The following UBE2E2 variants were observed in gnomAD, a reference collection of about 807,000 sequenced individuals.
UBE2E2 encodes the protein ubiquitin-conjugating enzyme E2 E2.
UBE2E2 carries 6 observed loss-of-function variants against 24.7 expected under a neutral mutation model. That is an observed-to-expected ratio of 0.24 (90% confidence interval 0.13 to 0.48). The LOEUF (loss-of-function observed/expected upper bound fraction) is 0.48. UBE2E2 is among the 20% of genes least tolerant of loss of function. The pLI is 0.99. For missense variants in UBE2E2, 169 were observed against 245.0 expected (o/e 0.69, Z 2.07); for synonymous variants, 104 against 83.6 (o/e 1.24, Z -1.33).
chr3:23,469,182 CT>C (rs1202620157), intron 3 of UBE2E2, among the ~76,000 whole-genome samples: 1 of 152,144 alleles, frequency 6.6e-6, no homozygotes, highest in East Asian at 1.9e-4. Context: ...TCACTGGATC[CT>C]CTCATGGCAA....
chr3:23,445,856 T>TA (rs1282310249), intron 3 of UBE2E2, among the ~76,000 whole-genome samples: 2 of 152,136 alleles, frequency 1.3e-5, no homozygotes, highest in African/African-American at 4.8e-5. Context: ...CCCTGTAACA[T>TA]ACTAGGATTT....
rs1472111870 is a variant in UBE2E2, at chr3:23,474,862, A to AGCTTT, written c.228-24745_228-24741dup. Reference sequence around the variant, plus strand: ...TTATCCCCCATTCACATTCCTCTCTAGCTTTTCACATCCAGACTTCTAGAA... The same window carrying AGCTTT: ...TTATCCCCCATTCACATTCCTCTCTAGCTTTGCTTTTCACATCCAGACTTCTAGAA... On this transcript the variant is annotated intron_variant, in intron 3 of 5. Transcript: ENST00000396703. This position sits in a 1 kb window ranked among gnomAD's most constrained non-coding sequence, Gnocchi z 4.0. 6.6e-6 allele frequency among the ~76,000 whole-genome samples: 1 copy of AGCTTT among 151,860 alleles called. No individual in the cohort carries two copies. Among genetic ancestry groups the AGCTTT allele is most frequent in the Non-Finnish European group, 1.5e-5 (1 of 68,010 alleles).
At chr3:23,325,282 T>A (rs912763114) in intron 3 of UBE2E2, among the ~76,000 whole-genome samples, 4 of 152,156 alleles carry the variant, frequency 2.6e-5, no homozygotes. Flanking sequence ...GTATAGTAAA[T>A]ATTCATGAAA....
intron 3 of UBE2E2, among the ~76,000 whole-genome samples, chr3:23,384,890 T>G (rs1366021763): frequency 6.6e-6 from 1 of 152,202 alleles, no homozygotes; most frequent in African/African-American, 2.4e-5. Flanking sequence ...TGTCTTAGTG[T>G]AATTTAGATT....
intron 3 of UBE2E2, among the ~76,000 whole-genome samples, chr3:23,459,805 G>A (rs550163207): frequency 1.3e-5 from 2 of 152,166 alleles, no homozygotes; most frequent in Non-Finnish European, 2.9e-5. Context: ...CTGTAAAATC[G>A]CAGGCCAGAA....
chr3:23,380,086 T>TAAAAA (rs10559253), intron 3 of UBE2E2, among the ~76,000 whole-genome samples: 5 of 136,308 alleles, frequency 3.7e-5, no homozygotes, highest in Non-Finnish European at 4.7e-5. Flanking sequence ...TTGATTACTG[T>TAAAAA]AAAAAAAAAA....
chr3:23,473,798 G>A (rs1439549197), intron 3 of UBE2E2, among the ~76,000 whole-genome samples: 3 of 151,958 alleles, frequency 2.0e-5, no homozygotes, highest in Non-Finnish European at 2.9e-5. Flanking sequence ...CTTTATCCAC[G>A]CATTGATTGT....
chr3:23,565,285 A>T (rs1696042865), intron 5 of UBE2E2, among the ~76,000 whole-genome samples: 1 of 151,946 alleles, frequency 6.6e-6, no homozygotes, highest in African/African-American at 2.4e-5. Flanking sequence ...CCAAATAGGG[A>T]GGGAGGGAGG....
At chr3:23,430,772 C>G (rs966976237) in intron 3 of UBE2E2, among the ~76,000 whole-genome samples, 1 of 152,158 alleles carries the variant, frequency 6.6e-6, no homozygotes, top group South Asian at 2.1e-4. Context: ...CCTCCTACCT[C>G]AGCCTTCCAA....
intron 3 of UBE2E2, among the ~76,000 whole-genome samples, chr3:23,398,629 T>C (rs1216902577): frequency 2.0e-5 from 3 of 152,222 alleles, no homozygotes; most frequent in Non-Finnish European, 4.4e-5. Flanking sequence ...CTTAACTCCA[T>C]GTTGATGTCA....
At chr3:23,296,869 C>G (rs1698924585) in intron 3 of UBE2E2, among the ~76,000 whole-genome samples, 1 of 152,180 alleles carries the variant, frequency 6.6e-6, no homozygotes, top group African/African-American at 2.4e-5. Context: ...TTCTAGATCC[C>G]TGAGGAGTCA....
intron 3 of UBE2E2, among the ~76,000 whole-genome samples, chr3:23,238,705 A>G (rs2125336588): frequency 6.6e-6 from 1 of 152,314 alleles, no homozygotes; most frequent in East Asian, 1.9e-4. Flanking sequence ...GCCTAAGTCT[A>G]AACATGAAAT....
At chr3:23,459,656 A>G (rs1404410291) in intron 3 of UBE2E2, among the ~76,000 whole-genome samples, 1 of 152,180 alleles carries the variant, frequency 6.6e-6, no homozygotes, top group East Asian at 1.9e-4. Flanking sequence ...GTTCTGCCAT[A>G]CAAACTCAGC....
chr3:23,486,153 G>A (rs1421809103), intron 3 of UBE2E2, among the ~76,000 whole-genome samples: 2 of 152,214 alleles, frequency 1.3e-5, no homozygotes, highest in African/African-American at 4.8e-5. Context: ...GGCGAGGGGT[G>A]TGTGAGTGAG....
intron 3 of UBE2E2, among the ~76,000 whole-genome samples, chr3:23,226,202 A>G (rs1696821776): frequency 6.7e-6 from 1 of 149,418 alleles, no homozygotes; most frequent in Non-Finnish European, 1.5e-5. Flanking sequence ...TCCACATCAT[A>G]GTAACTAAAA....
chr3:23,446,243 A>T (rs929366739), intron 3 of UBE2E2, among the ~76,000 whole-genome samples: 1 of 152,230 alleles, frequency 6.6e-6, no homozygotes, highest in Admixed American at 6.5e-5. Flanking sequence ...TAGATTTGAG[A>T]GATGCAAAAA....
intron 3 of UBE2E2, among the ~76,000 whole-genome samples, chr3:23,320,636 G>A (rs1046837053): frequency 6.6e-6 from 1 of 152,184 alleles, no homozygotes; most frequent in Non-Finnish European, 1.5e-5. Context: ...GAAAGGTTAC[G>A]TATTTGGCCT....
At chr3:23,267,813 A>C (rs1222375428) in intron 3 of UBE2E2, among the ~76,000 whole-genome samples, 1 of 149,816 alleles carries the variant, frequency 6.7e-6, no homozygotes, top group Non-Finnish European at 1.5e-5. Flanking sequence ...TCAATAAAAT[A>C]CTGGCAAACC....
At chr3:23,527,102 A>G (rs1695015860) in intron 4 of UBE2E2, among the ~76,000 whole-genome samples, 1 of 152,216 alleles carries the variant, frequency 6.6e-6, no homozygotes, top group Admixed American at 6.5e-5. Context: ...AATGTAAATT[A>G]AAACCACACT....
Sources: gnomAD v4.1 joint callset for allele counts (sites outside exome capture counted in the v4.1 genomes callset) on GRCh38, gnomAD v4.1.1 for gene constraint, Gnocchi (gnomAD v3.1) non-coding constraint, MANE v1.5 for transcripts, NCBI Gene and HGNC (gene_info 2026-07-23, HGNC 2026-07-21) for gene names.